LARGE1: variants seen among roughly 807,000 people sequenced by gnomAD.
LARGE1 encodes LARGE xylosyl- and glucuronyltransferase 1, also known as xylosyl- and glucuronyltransferase LARGE1.
LARGE1 carries 43 observed loss-of-function variants against 87.6 expected under a neutral mutation model. That is an observed-to-expected ratio of 0.49 (90% CI 0.38 to 0.63). LARGE1 has a LOEUF of 0.63. LARGE1 is among the 30% of genes least tolerant of loss of function. LARGE1 has a pLI of 0.00. For missense variants in LARGE1, 802 were observed against 1,000.2 expected, an observed-to-expected ratio of 0.80 and a Z score of 2.67; for synonymous variants, 434 against 394.6, an observed-to-expected ratio of 1.10 and a Z score of -1.18.
At chr22:33,598,800 T>A (rs2148953879) in intron 5 of LARGE1, among the ~76,000 whole-genome samples, 1 of 152,348 alleles carries the variant, frequency 6.6e-6, no homozygotes, top group Non-Finnish European at 1.5e-5. Context: ...TGGTTCCAAG[T>A]CTTTGCTATT....
At chr22:33,515,413 G>A (rs1272378227) in intron 6 of LARGE1, among the ~76,000 whole-genome samples, 3 of 152,266 alleles carry the variant, frequency 2.0e-5, no homozygotes, top group East Asian at 1.9e-4. Context: ...GGTAAACTCC[G>A]GAGGGTCTGC....
At chr22:33,399,042 C>T (rs796527966) in intron 7 of LARGE1, among the ~76,000 whole-genome samples, 5 of 152,276 alleles carry the variant, frequency 3.3e-5, no homozygotes, top group South Asian at 2.1e-4. Context: ...TAGATATACA[C>T]GTGGCATGGT....
chr22:33,283,373 GAC>G (rs1930848125), intron 12 of LARGE1, 25 bp from the exon 13 acceptor site: 1 of 1,613,944 alleles, frequency 6.2e-7, no homozygotes, highest in South Asian at 1.1e-5. Flanking sequence ...CAGGCAGAGA[GAC>G]AGAGTCCCTG....
intron 1 of LARGE1, among the ~76,000 whole-genome samples, chr22:33,770,911 A>G (rs2145813230): frequency 6.6e-6 from 1 of 152,038 alleles, no homozygotes; most frequent in South Asian, 2.1e-4. Context: ...CCTCCTCTCC[A>G]CTTACTTCCA....
chr22:33,243,524 T>C (rs191464415), intron 11 of LARGE1, among the ~76,000 whole-genome samples: 1 of 152,238 alleles, frequency 6.6e-6, no homozygotes, highest in African/African-American at 2.4e-5. Context: ...GTCAGGCAAT[T>C]TTTCTGTAAA....
intron 12 of LARGE1, among the ~76,000 whole-genome samples, chr22:33,283,850 GAA>G (rs1930978611): frequency 7.5e-6 from 1 of 133,122 alleles, no homozygotes; most frequent in African/African-American, 2.8e-5. Flanking sequence ...AGAAAAGAAA[GAA>G]AAAGTAAAGA....
intron 11 of LARGE1, among the ~76,000 whole-genome samples, chr22:33,170,376 A>G (rs1922500441): frequency 1.3e-5 from 2 of 152,132 alleles, no homozygotes; most frequent in African/African-American, 4.8e-5. Flanking sequence ...CTCAAAAATA[A>G]ATAAATAAAT....
In LARGE1 at chr22:33,432,111, G is replaced by A. The variant is rs62225294; in HGVS notation, c.892+50C>T. 6.3e-3 allele frequency: 9,002 copies of A among 1,421,380 alleles called. 34 individuals are homozygous for A. Among genetic ancestry groups the A allele is most frequent in the Non-Finnish European group, 7.6e-3 (7,597 of 1,004,640 alleles). 88.0% of individuals were successfully genotyped at this position (1,421,380 alleles called of 1,614,324 possible). Reference sequence around the variant, plus strand: ...TCCTCTCCTGCGGAAGGAGCACTGGGTCCTCATATCACCTTCTGCAACTCT... The same window carrying A: ...TCCTCTCCTGCGGAAGGAGCACTGGATCCTCATATCACCTTCTGCAACTCT... On this transcript the variant is annotated intron_variant, in intron 7 of 14. Coordinates refer to ENST00000397394, the MANE Select transcript of LARGE1 (RefSeq NM_133642.5).
intron 6 of LARGE1, among the ~76,000 whole-genome samples, chr22:33,564,636 T>C (rs908960593): frequency 2.0e-5 from 3 of 152,228 alleles, no homozygotes; most frequent in Non-Finnish European, 2.9e-5. Context: ...ACATCTTCAT[T>C]TACTAAAGAC....
intron 6 of LARGE1, among the ~76,000 whole-genome samples, chr22:33,544,804 A>C (rs1179530840): frequency 1.3e-5 from 2 of 152,192 alleles, no homozygotes; most frequent in African/African-American, 4.8e-5. Context: ...ATCTGCCCTA[A>C]ACCAATCCCT....
At chr22:33,634,178 T>C (rs765620086) in intron 3 of LARGE1, among the ~76,000 whole-genome samples, 27 of 152,284 alleles carry the variant, frequency 1.8e-4, no homozygotes, top group Non-Finnish European at 3.8e-4. Flanking sequence ...CTCTGTATAA[T>C]GGGGGACATA....
intron 9 of LARGE1, among the ~76,000 whole-genome samples, chr22:33,361,642 GATATCAAGATTC>G (rs2146897298): frequency 6.7e-6 from 1 of 148,276 alleles, no homozygotes; most frequent in East Asian, 1.9e-4. Flanking sequence ...TGGGAGTTTG[GATATCAAGATTC>G]AGCTCAGGTT....
intron 11 of LARGE1, among the ~76,000 whole-genome samples, chr22:33,266,934 G>A (rs531810859): frequency 1.7e-4 from 26 of 151,480 alleles, no homozygotes; most frequent in Middle Eastern, 3.2e-3. Flanking sequence ...CAGTTTCCTC[G>A]TCTAGTAAAT....
exon 12 of LARGE1, chr22:33,166,586 A>G (rs929073742): frequency 9.3e-5 from 34 of 366,862 alleles, no homozygotes; most frequent in African/African-American, 6.8e-4. Flanking sequence ...TACTACTTCA[A>G]TCTTACCACG....
In LARGE1 at chr22:33,394,788, C is replaced by A. The variant is rs1281809563; in HGVS notation, c.893-10484G>T. Among the ~76,000 whole-genome samples the A allele has an allele frequency of 2.0e-5, 3 of 149,840 alleles. No homozygotes were observed. The East Asian group carries it at 5.9e-4, about 30-fold the overall frequency. On this transcript the variant is annotated intron_variant, in intron 7 of 14. Transcript: ENST00000397394. ...ATGCTCATAACTAAATACGGTGAGG[C>A]TTTGCTGAATCAGGGGTCTAAAGCC...
Position 33,767,080 on chromosome 22 carries a change from G to A in LARGE1, c.-82-5522C>T, listed in dbSNP as rs192500215. ...TGTAATCTCAGCACTTTGGGAGGCC[G>A]AGGCAGGTGGATCACCTGACATCAG... is the stretch of plus-strand genomic sequence containing the variant. On this transcript the variant is annotated intron_variant, in intron 1 of 14. Transcript: ENST00000397394. Among the ~76,000 whole-genome samples, 90 of 151,202 alleles carry A rather than the reference G, an allele frequency of 6.0e-4. No individual in the cohort carries two copies. The East Asian group carries it at 0.016, about 27-fold the overall frequency.
At chr22:33,438,137 G>C (rs2067340397) in intron 6 of LARGE1, among the ~76,000 whole-genome samples, 1 of 152,146 alleles carries the variant, frequency 6.6e-6, no homozygotes, top group Non-Finnish European at 1.5e-5. Flanking sequence ...CATCATCCAG[G>C]TGGCATCTAA....
chr22:33,355,077 A>G (rs916688469), intron 9 of LARGE1, among the ~76,000 whole-genome samples: 34 of 152,214 alleles, frequency 2.2e-4, no homozygotes, highest in African/African-American at 7.0e-4. Flanking sequence ...AGGTCAGATA[A>G]GAAGTATTTT....
At chr22:33,567,005 TG>T (rs879393425) in intron 5 of LARGE1, among the ~76,000 whole-genome samples, 2 of 151,990 alleles carry the variant, frequency 1.3e-5, no homozygotes, top group Admixed American at 1.3e-4. Flanking sequence ...ATCATGGAGG[TG>T]GGGAAAAAGG....
Sources: allele counts gnomAD v4.1 joint callset (sites outside exome capture counted in the v4.1 genomes callset), GRCh38; gene constraint gnomAD v4.1.1; transcripts MANE v1.5; gene names NCBI Gene and HGNC (gene_info 2026-07-23, HGNC 2026-07-21).